WWOX: variants seen among roughly 807,000 people sequenced by gnomAD.
The protein encoded by WWOX is WW domain containing oxidoreductase.
In WWOX, 69 loss-of-function variants were observed where a neutral mutation model predicts 46.2. The observed-to-expected ratio is 1.49, with a 90% confidence interval of 1.23 to 1.82. The LOEUF is 1.82. Ranked by LOEUF, WWOX falls within the 40% of genes most tolerant of loss-of-function variation. The probability of loss-of-function intolerance (pLI) is 0.00; values close to 1 mark genes in which losing one functional copy is unlikely to be tolerated. For synonymous variants in WWOX, 359 were observed against 202.6 expected (o/e 1.77, Z -6.56); for missense variants, 919 against 542.6 (o/e 1.69, Z -6.89).
intron 8 of WWOX, among the ~76,000 whole-genome samples, chr16:78,544,495 C>A (rs2043974660): frequency 2.6e-5 from 4 of 152,184 alleles, no homozygotes. Flanking sequence ...CACAGAGCTG[C>A]TGAGTGGCAG....
chr16:78,884,612 A>T (rs567477144), intron 8 of WWOX, among the ~76,000 whole-genome samples: 1 of 152,200 alleles, frequency 6.6e-6, no homozygotes, highest in Non-Finnish European at 1.5e-5. Context: ...ATCCTATGTG[A>T]TTATAGTTAC....
At chr16:78,493,251 A>G (rs1041109922) in intron 8 of WWOX, among the ~76,000 whole-genome samples, 3 of 152,196 alleles carry the variant, frequency 2.0e-5, no homozygotes, top group Admixed American at 1.3e-4. Flanking sequence ...CCATAAGCAG[A>G]AGACACATAC....
chr16:78,842,075 G>C (rs1206185109), intron 8 of WWOX, among the ~76,000 whole-genome samples: 1 of 152,178 alleles, frequency 6.6e-6, no homozygotes, highest in Non-Finnish European at 1.5e-5. Context: ...AGCTGACTGG[G>C]TGCCTTTGTG....
intron 8 of WWOX, among the ~76,000 whole-genome samples, chr16:78,468,207 C>T (rs1323979761): frequency 1.3e-5 from 2 of 151,648 alleles, no homozygotes; most frequent in African/African-American, 4.9e-5. Context: ...CTCAGCTTCT[C>T]TTTTCTGGAG....
intron 8 of WWOX, among the ~76,000 whole-genome samples, chr16:79,070,601 G>C (rs1411967226): frequency 6.6e-6 from 1 of 152,170 alleles, no homozygotes; most frequent in Non-Finnish European, 1.5e-5. Flanking sequence ...TGGTGCAGCA[G>C]GTAGGCTGCT....
chr16:78,330,150 C>G (rs548205345), intron 5 of WWOX, among the ~76,000 whole-genome samples: 5 of 152,182 alleles, frequency 3.3e-5, no homozygotes, highest in African/African-American at 7.2e-5. Context: ...TGAAAACATT[C>G]CTTAAAAATT....
chr16:78,940,803 C>A (rs1471183075), intron 8 of WWOX, among the ~76,000 whole-genome samples: 1 of 151,516 alleles, frequency 6.6e-6, no homozygotes, highest in Non-Finnish European at 1.5e-5. Context: ...TATCCTGGTC[C>A]TTAGAGTCTT....
chr16:78,123,036 C>T (rs763213547), intron 4 of WWOX, among the ~76,000 whole-genome samples: 16 of 152,060 alleles, frequency 1.1e-4, no homozygotes, highest in South Asian at 2.1e-4. Context: ...AGTTCTGTTC[C>T]TCTCAGTCCA....
chr16:79,209,499 C>G (rs1244944225), intron 8 of WWOX, among the ~76,000 whole-genome samples: 1 of 152,158 alleles, frequency 6.6e-6, no homozygotes, highest in Admixed American at 6.5e-5. Context: ...AATAGTATAA[C>G]CATTGTGGCA....
At chr16:78,721,705 T>G (rs2142354156) in intron 8 of WWOX, among the ~76,000 whole-genome samples, 1 of 152,358 alleles carries the variant, frequency 6.6e-6, no homozygotes, top group African/African-American at 2.4e-5. Flanking sequence ...AAATATTGGC[T>G]GGCCAGTAGC....
chr16:78,942,801 A>G (rs1382969359), intron 8 of WWOX, among the ~76,000 whole-genome samples: 3 of 152,156 alleles, frequency 2.0e-5, no homozygotes, highest in Admixed American at 2.0e-4. Flanking sequence ...CCGTTCATGC[A>G]CTTCTCTCTG....
At chr16:79,071,992 A>G (rs563255765) in intron 8 of WWOX, among the ~76,000 whole-genome samples, 1 of 152,308 alleles carries the variant, frequency 6.6e-6, no homozygotes, top group Admixed American at 6.5e-5. Flanking sequence ...TAGCTTAAAA[A>G]TGCTTATACG....
intron 8 of WWOX, among the ~76,000 whole-genome samples, chr16:78,839,290 G>C (rs1274063029): frequency 6.6e-6 from 1 of 151,850 alleles, no homozygotes; most frequent in Non-Finnish European, 1.5e-5. Flanking sequence ...TCTGTTCCTA[G>C]ATATAAAATG....
At chr16:79,078,809 A>T (rs1297281253) in intron 8 of WWOX, among the ~76,000 whole-genome samples, 2 of 152,192 alleles carry the variant, frequency 1.3e-5, no homozygotes. Context: ...AAGTGGTGAT[A>T]ATGAGACCTA....
chr16:78,534,554 G>A (rs1310722931), intron 8 of WWOX: 1 of 152,178 alleles, frequency 6.6e-6, no homozygotes, highest in East Asian at 1.9e-4. Context: ...GGTGGAGAAG[G>A]TATGACAAAC....
chr16:79,108,668 G>T lies in WWOX; in HGVS notation c.1057-102940G>T, dbSNP rs569523902. ...TGTAATCCTAGCACTTTGAGAGGCT[G>T]AGGCAGGAGGATTGCTTGAGCCCAG... is the stretch of plus-strand genomic sequence containing the variant. On this transcript the variant is annotated intron_variant, in intron 8 of 8. Transcript: ENST00000566780. Among the ~76,000 whole-genome samples the T allele has an allele frequency of 2.0e-5, 3 of 152,328 alleles. No individual in the cohort carries two copies. In the East Asian group the frequency reaches 5.8e-4, roughly 29 times the overall value.
At chr16:79,056,794 A>C (rs1208844479) in intron 8 of WWOX, among the ~76,000 whole-genome samples, 1 of 152,192 alleles carries the variant, frequency 6.6e-6, no homozygotes, top group African/African-American at 2.4e-5. Flanking sequence ...ATACGGTGAG[A>C]TTGAACTTGA....
At chr16:78,481,182 A>C (rs1052297798) in intron 8 of WWOX, among the ~76,000 whole-genome samples, 1 of 152,214 alleles carries the variant, frequency 6.6e-6, no homozygotes, top group Admixed American at 6.5e-5. Flanking sequence ...CAAGTTTATA[A>C]TTTGTAAATA....
chr16:78,856,440 C>T (rs953173844), intron 8 of WWOX, among the ~76,000 whole-genome samples: 2 of 152,108 alleles, frequency 1.3e-5, no homozygotes, highest in African/African-American at 2.4e-5. Flanking sequence ...GTCAAGAGTT[C>T]GAGACCAGCC....
Sources: allele counts gnomAD v4.1 joint callset (sites outside exome capture counted in the v4.1 genomes callset), GRCh38; gene constraint gnomAD v4.1.1; transcripts MANE v1.5; gene names NCBI Gene and HGNC (gene_info 2026-07-23, HGNC 2026-07-21).